The following TMEM163 variants were observed in gnomAD, a reference collection of about 807,000 sequenced individuals.
TMEM163 encodes the protein transmembrane protein 163.
In TMEM163, 17 loss-of-function variants were observed where a neutral mutation model predicts 29.3. The observed-to-expected ratio is 0.58, with a 90% CI of 0.40 to 0.87. TMEM163 has a LOEUF of 0.87. Among genes scored for constraint, TMEM163 ranks in the 40% least tolerant of loss-of-function variants. The pLI, the probability that TMEM163 is intolerant of heterozygous loss-of-function variation, is 0.00. For missense variants in TMEM163, 303 were observed against 381.5 expected, an observed-to-expected ratio of 0.79 and a Z score of 1.71; for synonymous variants, 157 against 160.6, an observed-to-expected ratio of 0.98 and a Z score of 0.17.
chr2:134,585,697 G>C (rs141890447), intron 2 of TMEM163, among the ~76,000 whole-genome samples: 91 of 150,804 alleles, frequency 6.0e-4, no homozygotes, highest in East Asian at 4.9e-3. Context: ...AGTCTAGATC[G>C]CGCCACTGCA....
chr2:134,655,159 A>T (rs1159408472), intron 2 of TMEM163, among the ~76,000 whole-genome samples: 3 of 140,168 alleles, frequency 2.1e-5, no homozygotes, highest in African/African-American at 8.9e-5. Context: ...ACTTGGTTCC[A>T]TTCTCACCAT....
intron 6 of TMEM163, among the ~76,000 whole-genome samples, chr2:134,464,724 C>A (rs1255164511): frequency 6.6e-6 from 1 of 152,090 alleles, no homozygotes; most frequent in Non-Finnish European, 1.5e-5. Context: ...AGCCCACACC[C>A]CCACCCTCAC....
chr2:134,513,307 G>T (rs908218308), intron 4 of TMEM163, among the ~76,000 whole-genome samples: 1 of 152,206 alleles, frequency 6.6e-6, no homozygotes, highest in African/African-American at 2.4e-5. Flanking sequence ...CATCCAAGTG[G>T]TGGTGTTGAG....
rs1679732106 is a variant in TMEM163, at chr2:134,502,979, C to A, written c.477G>T (p.Gly159=). 1 of 1,613,718 alleles carries A rather than the reference C, an allele frequency of 6.2e-7. No individual in the cohort carries two copies. Among genetic ancestry groups the A allele is most frequent in the South Asian group, 1.1e-5 (1 of 90,918 alleles). ...HREYIACVIL[G]VIFLLSSICI... is the part of the protein sequence containing the mutation. ...ATATGGATGACAGAAGGAATATCAC[C>A]CCCAAGATGACACAGGCTCTGCAAA... The change falls in exon 5 of 8, where the codon GGG becomes GGT. Residue 159 remains glycine, a synonymous_variant. Coordinates refer to ENST00000281924, the MANE Select transcript of TMEM163 (RefSeq NM_030923.5).
chr2:134,544,262 T>C (rs1680734002), intron 4 of TMEM163, among the ~76,000 whole-genome samples: 1 of 152,100 alleles, frequency 6.6e-6, no homozygotes, highest in Admixed American at 6.5e-5. Context: ...TCCATGTCAT[T>C]CGGCCCTGCC....
At chr2:134,647,912 G>T (rs185695704) in intron 2 of TMEM163, among the ~76,000 whole-genome samples, 2 of 152,194 alleles carry the variant, frequency 1.3e-5, no homozygotes, top group African/African-American at 4.8e-5. Flanking sequence ...GCATCTAGGA[G>T]GGTGCCCACG....
Position 134,569,259 on chromosome 2 carries a change from G to A in TMEM163, c.323-17168C>T, listed in dbSNP as rs147960382. On this transcript the variant is annotated intron_variant, in intron 2 of 7. Transcript: ENST00000281924. ...ATAAATAACTCATAACCAGGTATCAGGGCAGTGAACTGAACACTGCCATGG... is the reference window on the plus strand; with the variant it reads ...ATAAATAACTCATAACCAGGTATCAAGGCAGTGAACTGAACACTGCCATGG... 1.6e-3 allele frequency among the ~76,000 whole-genome samples: 238 copies of A among 152,200 alleles called. 1 individual carries two copies. Among genetic ancestry groups the A allele is most frequent in the Middle Eastern group, 0.01 (3 of 294 alleles).
chr2:134,491,960 C>T (rs759506550), intron 5 of TMEM163, among the ~76,000 whole-genome samples: 5 of 152,134 alleles, frequency 3.3e-5, no homozygotes, highest in East Asian at 1.9e-4. Flanking sequence ...ATAAGCTGCC[C>T]GTGCTTCCAG....
chr2:134,625,109 C>T (rs1682818360), intron 2 of TMEM163, among the ~76,000 whole-genome samples: 1 of 151,896 alleles, frequency 6.6e-6, no homozygotes. Flanking sequence ...TATGTGGGTA[C>T]ATGCTTATCT....
In TMEM163 at chr2:134,459,734, A is replaced by AG. The variant is rs1050726230; in HGVS notation, c.668-1562dup. Among the ~76,000 whole-genome samples, 41 of 150,072 alleles carry AG rather than the reference A, an allele frequency of 2.7e-4. 1 individual carries two copies. The highest frequency in any genetic ancestry group is 3.0e-5 in the Non-Finnish European group (2 of 67,528). ...CCCCTTTTGGTGGGGGTCAATCCCT[A>AG]GCCCCACACCCCCCTCCCCAGGCTC... On this transcript the variant is annotated intron_variant, in intron 6 of 7. Coordinates refer to ENST00000281924, the MANE Select transcript of TMEM163 (RefSeq NM_030923.5).
intron 2 of TMEM163, among the ~76,000 whole-genome samples, chr2:134,616,248 G>A (rs1453061759): frequency 6.6e-6 from 1 of 152,152 alleles, no homozygotes; most frequent in African/African-American, 2.4e-5. Flanking sequence ...GAGAAAGTTA[G>A]CCAAAGCTTT....
At chr2:134,574,147 A>C (rs978845267) in intron 2 of TMEM163, among the ~76,000 whole-genome samples, 1 of 152,238 alleles carries the variant, frequency 6.6e-6, no homozygotes, top group Non-Finnish European at 1.5e-5. Context: ...GTAGCAGCAC[A>C]TCCTTATAAT....
rs202005506 is a variant in TMEM163 at position 134,487,154 on chromosome 2, A to G, written c.555+15747T>C. 9.8e-5 allele frequency among the ~76,000 whole-genome samples: 15 copies of G among 152,312 alleles called. No homozygotes were observed. In the East Asian group the frequency reaches 2.9e-3, roughly 29 times the overall value. On this transcript the variant is annotated intron_variant, in intron 5 of 7. Transcript: ENST00000281924. ...AAAACCTTGGCTAATAAGAAACAAAAAAGGAAAAAATATAGAATTTGAAAA... is the reference window on the plus strand; with the variant it reads ...AAAACCTTGGCTAATAAGAAACAAAGAAGGAAAAAATATAGAATTTGAAAA...
chr2:134,630,561 G>C (rs757449067), intron 2 of TMEM163, among the ~76,000 whole-genome samples: 1 of 152,102 alleles, frequency 6.6e-6, no homozygotes, highest in African/African-American at 2.4e-5. Flanking sequence ...CTAGACATGG[G>C]CCCGGCCATC....
chr2:134,594,346 A>G (rs1014066483), intron 2 of TMEM163, among the ~76,000 whole-genome samples: 9 of 152,140 alleles, frequency 5.9e-5, no homozygotes, highest in African/African-American at 1.4e-4. Flanking sequence ...GGCTTATTTT[A>G]TTCCATTATA....
chr2:134,494,531 AAGGCATTTC>A (rs1339087353), intron 5 of TMEM163, among the ~76,000 whole-genome samples: 8 of 152,264 alleles, frequency 5.3e-5, no homozygotes, highest in African/African-American at 1.9e-4. Flanking sequence ...AGCGTCCCTG[AAGGCATTTC>A]ATGGACTGTT....
chr2:134,639,723 G>T (rs960949427), intron 2 of TMEM163, among the ~76,000 whole-genome samples: 3 of 152,134 alleles, frequency 2.0e-5, no homozygotes, highest in Admixed American at 6.5e-5. Flanking sequence ...CACAAAAGAT[G>T]ACATACCACT....
rs143977434 is a variant in TMEM163, at chr2:134,625,154, G to T, written c.323-73063C>A. On this transcript the variant is annotated intron_variant, in intron 2 of 7. Coordinates refer to ENST00000281924, the MANE Select transcript of TMEM163 (RefSeq NM_030923.5). Reference sequence around the variant, plus strand: ...AGAAAGGGAGAGAGAAAGAGAGAATGTACATACTGCACAGAAAATAGAGAA... The same window carrying T: ...AGAAAGGGAGAGAGAAAGAGAGAATTTACATACTGCACAGAAAATAGAGAA... Among the ~76,000 whole-genome samples, 320 of 152,204 alleles carry T rather than the reference G, an allele frequency of 2.1e-3. 1 individual carries two copies. The highest frequency in any genetic ancestry group is 7.5e-3 in the African/African-American group (311 of 41,542).
chr2:134,473,553 AAAG>A (rs1353873524), intron 5 of TMEM163, among the ~76,000 whole-genome samples: 2 of 151,798 alleles, frequency 1.3e-5, no homozygotes, highest in East Asian at 3.8e-4. Flanking sequence ...AAAAAAAGAA[AAAG>A]AAACCAATGA....
Sources: gnomAD v4.1 joint callset for allele counts (sites outside exome capture counted in the v4.1 genomes callset) on GRCh38, gnomAD v4.1.1 for gene constraint, MANE v1.5 for transcripts, NCBI Gene and HGNC (gene_info 2026-07-23, HGNC 2026-07-21) for gene names.